The following FRMD4A variants were observed in gnomAD, a reference collection of about 807,000 sequenced individuals.
The protein encoded by FRMD4A is FERM domain containing 4A, also known as FERM domain-containing protein 4A.
In FRMD4A, 29 loss-of-function variants were observed where a neutral mutation model predicts 129.1. The observed-to-expected ratio is 0.22, with a 90% confidence interval of 0.17 to 0.31. The LOEUF (loss-of-function observed/expected upper bound fraction) is 0.31, where lower values mean the gene tolerates loss of function less well. FRMD4A is among the 10% of genes least tolerant of loss of function. The pLI is 1.00. For missense variants in FRMD4A, 1,272 were observed against 1,375.8 expected, an observed-to-expected ratio of 0.92 and a Z score of 1.19; for synonymous variants, 634 against 571.6, an observed-to-expected ratio of 1.11 and a Z score of -1.56.
chr10:14,049,452 T>C lies in FRMD4A; in HGVS notation c.46-190540A>G, dbSNP rs189296615. ...GACTCCGACCTTTTAAAAACTGGAA[T>C]TCCCCACAGTTTGGGTTTCAGTGTA... On this transcript the variant is annotated intron_variant, in intron 2 of 24. Coordinates refer to ENST00000357447, the MANE Select transcript of FRMD4A (RefSeq NM_018027.5). 1.4e-4 allele frequency among the ~76,000 whole-genome samples: 22 copies of C among 152,284 alleles called. No homozygotes were observed. The East Asian group carries it at 3.9e-3, about 27-fold the overall frequency.
intron 2 of FRMD4A, among the ~76,000 whole-genome samples, chr10:13,879,795 TTCCTCC>T (rs796723587): frequency 5.3e-4 from 56 of 105,892 alleles, no homozygotes; most frequent in African/African-American, 1.9e-3. Context: ...TCCTCCTCCC[TTCCTCC>T]TCCTCCTCCT....
At chr10:13,887,596 G>A (rs961867256) in intron 2 of FRMD4A, among the ~76,000 whole-genome samples, 1 of 152,182 alleles carries the variant, frequency 6.6e-6, no homozygotes, top group Non-Finnish European at 1.5e-5. Flanking sequence ...GGGTGGCAGA[G>A]GTTGCCGTGA....
At chr10:13,703,098 CTT>C (rs201795603) in intron 13 of FRMD4A, among the ~76,000 whole-genome samples, 3 of 151,886 alleles carry the variant, frequency 2.0e-5, no homozygotes, top group Non-Finnish European at 4.4e-5. Flanking sequence ...AAATGAATGA[CTT>C]TTTTTTCCCC....
chr10:13,923,296 C>T (rs1393214881), intron 2 of FRMD4A, among the ~76,000 whole-genome samples: 1 of 152,198 alleles, frequency 6.6e-6, no homozygotes, highest in East Asian at 1.9e-4. Flanking sequence ...CAGCTTTCTT[C>T]TTCAGGTGTC....
intron 6 of FRMD4A, 50 bp from the exon 7 acceptor site, chr10:13,762,730 T>C (rs1447753771): frequency 2.6e-6 from 3 of 1,174,476 alleles, no homozygotes; most frequent in South Asian, 2.5e-5. Flanking sequence ...TTAACCACCA[T>C]TTTTTTCTTT....
chr10:13,994,649 A>G (rs1413600090), intron 2 of FRMD4A, among the ~76,000 whole-genome samples: 1 of 152,238 alleles, frequency 6.6e-6, no homozygotes, highest in Admixed American at 6.5e-5. Context: ...TTGGATTATA[A>G]AAATAGAGAT....
chr10:14,286,000 A>C (rs1845669350), intron 2 of FRMD4A, among the ~76,000 whole-genome samples: 1 of 152,248 alleles, frequency 6.6e-6, no homozygotes, highest in South Asian at 2.1e-4. Context: ...TCCATGAAAG[A>C]ACTTCTGAGT....
At chr10:14,278,927 C>T (rs1174466745) in intron 2 of FRMD4A, among the ~76,000 whole-genome samples, 4 of 152,190 alleles carry the variant, frequency 2.6e-5, no homozygotes, top group Non-Finnish European at 4.4e-5. Context: ...CTAATCACAG[C>T]GGCACGGTTG....
chr10:14,184,833 A>G (rs1310231159), intron 2 of FRMD4A, among the ~76,000 whole-genome samples: 1 of 152,202 alleles, frequency 6.6e-6, no homozygotes. Context: ...TTTTAAGGAA[A>G]TGATAGATAT....
chr10:13,996,546 A>G (rs1413909789), intron 2 of FRMD4A, among the ~76,000 whole-genome samples: 1 of 152,236 alleles, frequency 6.6e-6, no homozygotes, highest in Non-Finnish European at 1.5e-5. Flanking sequence ...TTTCAGTGGT[A>G]TGAATTTCAT....
At chr10:14,324,887 C>G (rs1589315731) in intron 2 of FRMD4A, among the ~76,000 whole-genome samples, 1 of 152,206 alleles carries the variant, frequency 6.6e-6, no homozygotes, top group East Asian at 1.9e-4. Context: ...TCTCAAACAC[C>G]TGACCTCAGG....
intron 2 of FRMD4A, among the ~76,000 whole-genome samples, chr10:13,972,541 T>G (rs1267204282): frequency 6.6e-6 from 1 of 152,184 alleles, no homozygotes; most frequent in African/African-American, 2.4e-5. Context: ...TATCCCGTTT[T>G]TTTTTTCGCC....
chr10:13,810,091 G>C (rs906202701), intron 4 of FRMD4A, among the ~76,000 whole-genome samples: 2 of 152,362 alleles, frequency 1.3e-5, no homozygotes, highest in Admixed American at 1.3e-4. Context: ...GAGAGAGAGA[G>C]AGAGTCTGTG....
At chr10:14,156,688 G>T (rs1321375178) in intron 2 of FRMD4A, among the ~76,000 whole-genome samples, 1 of 152,140 alleles carries the variant, frequency 6.6e-6, no homozygotes, top group Non-Finnish European at 1.5e-5. Context: ...ACTAAGTCAT[G>T]ATTTTAGCAA....
chr10:13,849,092 AATG>A (rs1240942141), intron 3 of FRMD4A, among the ~76,000 whole-genome samples: 1 of 152,150 alleles, frequency 6.6e-6, no homozygotes, highest in Non-Finnish European at 1.5e-5. Context: ...GAGCCTAATA[AATG>A]ATGATGGGAT....
At chr10:14,223,606 A>C (rs1327007) in intron 2 of FRMD4A, among the ~76,000 whole-genome samples, 150,414 of 152,212 alleles carry the variant, frequency 0.99, 74,340 homozygotes, top group South Asian at 1. Context: ...CCAGGCATGG[A>C]GGCACACAAC....
intron 3 of FRMD4A, among the ~76,000 whole-genome samples, chr10:13,824,894 C>CAAAA (rs1165591899): frequency 7.3e-5 from 4 of 54,804 alleles, no homozygotes; most frequent in Non-Finnish European, 1.6e-4. Flanking sequence ...GACTCTGTCT[C>CAAAA]AAAAAAAAAA....
At chr10:13,783,568 T>C (rs1405441281) in intron 5 of FRMD4A, among the ~76,000 whole-genome samples, 1 of 150,926 alleles carries the variant, frequency 6.6e-6, no homozygotes, top group Admixed American at 6.6e-5. Flanking sequence ...TTTTTGTAGA[T>C]ACGGAGTCTT....
chr10:13,881,172 C>G (rs1333165661), intron 2 of FRMD4A, among the ~76,000 whole-genome samples: 2 of 150,342 alleles, frequency 1.3e-5, no homozygotes, highest in African/African-American at 4.9e-5. Flanking sequence ...AATCCCAGAG[C>G]TTTGAGAGGC....
Sources: allele counts gnomAD v4.1 joint callset (sites outside exome capture counted in the v4.1 genomes callset), GRCh38; gene constraint gnomAD v4.1.1; transcripts MANE v1.5; gene names NCBI Gene and HGNC (gene_info 2026-07-23, HGNC 2026-07-21).